Variants in ORM2 observed in about 807,000 individuals in gnomAD.
ORM2 encodes the protein alpha-1-acid glycoprotein 2.
ORM2 carries 19 observed loss-of-function variants against 26.8 expected under a neutral mutation model. The ratio of observed to expected loss-of-function variants is 0.71; its 90% CI spans 0.49 to 1.04. The LOEUF is 1.04. Among genes scored for constraint, ORM2 ranks in the 50% least tolerant of loss-of-function variants. The probability of loss-of-function intolerance (pLI) is 0.00; values close to 1 mark genes in which losing one functional copy is unlikely to be tolerated. For synonymous variants in ORM2, 94 were observed against 100.0 expected (o/e 0.94, Z 0.36); for missense variants, 259 against 244.9 (o/e 1.06, Z -0.39).
rs373176158 is a variant in ORM2 at position 114,330,882 on chromosome 9, C to T, written c.328+20C>T. ...GATACGGTGAGGGCCAGCCCTCAGG[C>T]AGGAGGGTTCACCGTGGGAACAGGG... On this transcript the variant is annotated intron_variant, in intron 3 of 5. Coordinates refer to ENST00000431067, the MANE Select transcript of ORM2 (RefSeq NM_000608.4). 38 of 1,605,006 alleles carry T rather than the reference C, an allele frequency of 2.4e-5. No homozygotes were observed. The highest frequency in any genetic ancestry group is 3.2e-5 in the Non-Finnish European group (37 of 1,172,204).
chr9:114,331,426 G>A (rs575855964), intron 3 of ORM2, 141 bp from the exon 4 acceptor site: 3 of 647,688 alleles, frequency 4.6e-6, no homozygotes, highest in East Asian at 5.3e-5. Context: ...AGCAGGGGCT[G>A]GGCACACGGT....
intron 3 of ORM2, 111 bp from the exon 4 acceptor site, chr9:114,331,456 C>T: frequency 1.2e-6 from 1 of 830,350 alleles, no homozygotes; most frequent in African/African-American, 1.7e-5. Context: ...GAGACCCGGG[C>T]CTTCACTGAT....
chr9:114,330,739 C>G (rs1829836815), intron 2 of ORM2, 53 bp from the exon 3 acceptor site: 7 of 1,601,242 alleles, frequency 4.4e-6, no homozygotes, highest in Admixed American at 1.7e-5. Context: ...GGCGATTGGC[C>G]ACTTCTCCTC....
chr9:114,330,888 G>C, intron 3 of ORM2, 26 bp downstream of exon 3: 3 of 1,599,140 alleles, frequency 1.9e-6, no homozygotes, highest in Non-Finnish European at 2.6e-6. Flanking sequence ...CAGGCAGGAG[G>C]GTTCACCGTG....
chr9:114,330,607 C>G (rs748465288), intron 2 of ORM2, 31 bp downstream of exon 2: 1 of 1,610,268 alleles, frequency 6.2e-7, no homozygotes, highest in Non-Finnish European at 8.5e-7. Flanking sequence ...GCACCCCCAT[C>G]TCAGCTTCTG....
intron 3 of ORM2, 148 bp downstream of exon 3, chr9:114,331,010 A>G: frequency 1.6e-6 from 1 of 644,168 alleles, no homozygotes; most frequent in Non-Finnish European, 2.7e-6. Flanking sequence ...CTCAGAAAAA[A>G]TCCCTAAGAA....
intron 5 of ORM2, 26 bp downstream of exon 5, chr9:114,331,955 C>A (rs774574147): frequency 1.9e-6 from 3 of 1,597,462 alleles, no homozygotes; most frequent in Non-Finnish European, 2.6e-6. Context: ...TGGACAGTGC[C>A]CACCTTGTCC....
In ORM2 at chr9:114,330,588, C is replaced by A; in HGVS notation, c.257+12C>A. On this transcript the variant is annotated intron_variant, in intron 2 of 5. Coordinates refer to ENST00000431067, the MANE Select transcript of ORM2 (RefSeq NM_000608.4). ...GAGTACCAGACCCGGTGAGAGCCCCCATTCCAATGCACCCCCATCTCAGCT... is the reference window on the plus strand; with the variant it reads ...GAGTACCAGACCCGGTGAGAGCCCCAATTCCAATGCACCCCCATCTCAGCT... 1.9e-6 allele frequency: 3 copies of A among 1,612,252 alleles called. No individual in the cohort carries two copies. Among genetic ancestry groups the A allele is most frequent in the South Asian group, 1.1e-5 (1 of 91,022 alleles).
chr9:114,331,339 G>A (rs1829848009), intron 3 of ORM2, among the ~76,000 whole-genome samples: 1 of 152,048 alleles, frequency 6.6e-6, no homozygotes, highest in Non-Finnish European at 1.5e-5. Flanking sequence ...CGGGGAGAAA[G>A]GCCCTGACAG....
intron 3 of ORM2, among the ~76,000 whole-genome samples, chr9:114,331,281 T>C (rs1203270143): frequency 6.6e-6 from 1 of 152,182 alleles, no homozygotes; most frequent in Admixed American, 6.5e-5. Context: ...TGACATCATT[T>C]AGCATCCCGA....
Position 114,331,607 on chromosome 9 carries a change from G to A in ORM2, c.369G>A (p.Arg123=), listed in dbSNP as rs1384357022. 6.2e-7 allele frequency: 1 copy of A among 1,613,966 alleles called. No individual in the cohort carries two copies. Among genetic ancestry groups the A allele is most frequent in the Admixed American group, 1.7e-5 (1 of 60,008 alleles). ...ATGTTGCTCACCTGCTGTTCCTTAG[G>A]GACACCAAGACCTTGATGTTTGGTT... ...REHVAHLLFL[R]DTKTLMFGSY... Residue 123 remains arginine (R), a synonymous_variant, in exon 4 of 6, where the codon AGG becomes AGA. Transcript: ENST00000431067.
chr9:114,332,332 G>A (rs1377739025), intron 5 of ORM2, among the ~76,000 whole-genome samples: 1 of 152,076 alleles, frequency 6.6e-6, no homozygotes, highest in Non-Finnish European at 1.5e-5. Context: ...GGTTTTCAAT[G>A]TCACCCACAC....
chr9:114,330,149 G>C (rs745708994), intron 1 of ORM2, 131 bp downstream of exon 1: 604 of 1,544,846 alleles, frequency 3.9e-4, no homozygotes, highest in Non-Finnish European at 4.9e-4. Context: ...GGTCCCCAGG[G>C]TGAAATTCTC....
At chr9:114,332,330 A>G (rs1282968777) in intron 5 of ORM2, among the ~76,000 whole-genome samples, 4 of 152,076 alleles carry the variant, frequency 2.6e-5, no homozygotes, top group African/African-American at 7.3e-5. Context: ...GTGGTTTTCA[A>G]TGTCACCCAC....
intron 2 of ORM2, 46 bp from the exon 3 acceptor site, chr9:114,330,746 C>T (rs760401628): frequency 2.4e-5 from 38 of 1,606,084 alleles, no homozygotes; most frequent in Admixed American, 3.3e-5. Context: ...GGCCACTTCT[C>T]CTCGATAACA....
At chr9:114,330,905 G>A (rs758994449) in intron 3 of ORM2, 43 bp downstream of exon 3, 3 of 1,547,384 alleles carry the variant, frequency 1.9e-6, no homozygotes, top group Non-Finnish European at 2.7e-6. Context: ...CGTGGGAACA[G>A]GGCAGGCCAG....
In ORM2 at chr9:114,329,987, C is replaced by T. The variant is rs1216844636; in HGVS notation, c.83C>T (p.Pro28Leu). Reference protein sequence around the residue: ...AQIPLCANLVPVPITNATLDR... With the variant: ...AQIPLCANLVLVPITNATLDR... ...ATCCCATTGTGTGCCAACCTAGTAC[C>T]GGTGCCCATCACCAACGCCACCCTG... The change falls in exon 1 of 6, where the codon CCG becomes CTG. Residue 28 changes from proline to leucine, a missense_variant. Pro to Leu is a moderately conservative substitution (Grantham distance 98). This residue lies in a region of ORM2 where 251 missense variants were observed against 220.5 expected (regional missense o/e 1.14). Transcript: ENST00000431067. 8.9e-6 allele frequency: 14 copies of T among 1,577,278 alleles called. No individual in the cohort carries two copies. Among genetic ancestry groups the T allele is most frequent in the Admixed American group, 3.5e-5 (2 of 57,316 alleles).
chr9:114,330,809 A>G lies in ORM2; in HGVS notation c.275A>G (p.Tyr92Cys), dbSNP rs1296876981. The G allele has an allele frequency of 1.9e-6, 3 of 1,613,984 alleles. No homozygotes were observed. The highest frequency in any genetic ancestry group is 1.1e-5 in the South Asian group (1 of 91,074). ...GACTTTAGCCAGAACCAGTGCTTCT[A>G]TAACTCCAGTTACCTGAATGTCCAG... ...EYQTRQNQCF[Y>C]NSSYLNVQRE... The change falls in exon 3 of 6, where the codon TAT (tyrosine) becomes TGT (cysteine). Residue 92 changes from tyrosine (Y) to cysteine (C), a missense_variant. Around this residue, in one of 2 missense-constraint regions of ORM2, gnomAD observed 251 missense variants for 220.5 expected, o/e 1.14. Coordinates refer to ENST00000431067, the MANE Select transcript of ORM2 (RefSeq NM_000608.4).
At chr9:114,331,509 A>T in intron 3 of ORM2, 58 bp from the exon 4 acceptor site, 1 of 1,412,958 alleles carries the variant, frequency 7.1e-7, no homozygotes, top group Non-Finnish European at 1.0e-6. Context: ...CTCACCTGTA[A>T]GACAGGCACC....
Sources: allele counts gnomAD v4.1 joint callset (sites outside exome capture counted in the v4.1 genomes callset), GRCh38; gene constraint gnomAD v4.1.1; regional missense constraint gnomAD v4.1.1; transcripts MANE v1.5; gene names NCBI Gene and HGNC (gene_info 2026-07-23, HGNC 2026-07-21).